SHISA6: variants seen among roughly 807,000 people sequenced by gnomAD.
SHISA6 encodes shisa family member 6.
A neutral mutation model predicts 47.9 loss-of-function variants in SHISA6; 22 were observed. The observed-to-expected ratio is 0.46, with a 90% CI of 0.33 to 0.66. SHISA6 has a LOEUF of 0.66. SHISA6 is among the 30% of genes least tolerant of loss of function. The probability of loss-of-function intolerance (pLI) is 0.02; values close to 1 mark genes in which losing one functional copy is unlikely to be tolerated. For missense variants in SHISA6, 680 were observed against 764.6 expected, an observed-to-expected ratio of 0.89 and a Z score of 1.30; for synonymous variants, 388 against 337.8, an observed-to-expected ratio of 1.15 and a Z score of -1.63.
chr17:11,282,941 A>C (rs1909171966), intron 2 of SHISA6, among the ~76,000 whole-genome samples: 1 of 152,300 alleles, frequency 6.6e-6, no homozygotes, highest in South Asian at 2.1e-4. Context: ...AGAGCTCAAA[A>C]TAGGTTTACA....
At chr17:11,445,410 G>T (rs1251604450) in intron 3 of SHISA6, among the ~76,000 whole-genome samples, 1 of 152,198 alleles carries the variant, frequency 6.6e-6, no homozygotes, top group South Asian at 2.1e-4. Flanking sequence ...CATGCAAACC[G>T]TCACTGTACA....
intron 3 of SHISA6, among the ~76,000 whole-genome samples, chr17:11,467,250 C>G (rs893066290): frequency 7.9e-5 from 12 of 152,062 alleles, no homozygotes; most frequent in Non-Finnish European, 1.6e-4. Flanking sequence ...GCTCTTGGCT[C>G]CAGGGTTATA....
chr17:11,387,711 A>G (rs968484895), intron 3 of SHISA6, among the ~76,000 whole-genome samples: 3 of 152,208 alleles, frequency 2.0e-5, no homozygotes, highest in Admixed American at 6.5e-5. Context: ...TTGGGAAATA[A>G]CAATGGCCAG....
intron 3 of SHISA6, among the ~76,000 whole-genome samples, chr17:11,425,959 T>C (rs1914600111): frequency 6.6e-6 from 1 of 152,194 alleles, no homozygotes; most frequent in Non-Finnish European, 1.5e-5. Context: ...GGGAGAGCTA[T>C]GCACTGATCA....
At chr17:11,426,402 A>G (rs1261875578) in intron 3 of SHISA6, among the ~76,000 whole-genome samples, 3 of 152,220 alleles carry the variant, frequency 2.0e-5, no homozygotes, top group Admixed American at 6.5e-5. Context: ...AGTATGAACC[A>G]TGTGATGTTC....
chr17:11,382,784 A>G (rs566147008), intron 3 of SHISA6, among the ~76,000 whole-genome samples: 53 of 152,212 alleles, frequency 3.5e-4, no homozygotes, highest in Middle Eastern at 3.4e-3. Context: ...AGGTAATACC[A>G]TTGCCCTACT....
At position 11,278,832 on chromosome 17, in the gene SHISA6, C is replaced by T. The variant is rs78209712; in HGVS notation, c.799+15306C>T. ...TAAGCCTGCACTTTAATACACGTGG[C>T]GTTTCTTTCCCCATAAGAATTAGAT... On this transcript the variant is annotated intron_variant, in intron 2 of 5. Transcript: ENST00000441885. Among the ~76,000 whole-genome samples the T allele has an allele frequency of 4.1e-3, 631 of 152,296 alleles. 5 individuals are homozygous for T. Among genetic ancestry groups the T allele is most frequent in the African/African-American group, 0.014 (589 of 41,580 alleles).
chr17:11,389,200 T>G (rs1376719736), intron 3 of SHISA6, among the ~76,000 whole-genome samples: 4 of 152,108 alleles, frequency 2.6e-5, no homozygotes, highest in Non-Finnish European at 5.9e-5. Context: ...TATCCCTGTT[T>G]AATGCTTGTT....
intron 3 of SHISA6, among the ~76,000 whole-genome samples, chr17:11,412,924 T>C (rs1044197904): frequency 6.6e-6 from 1 of 152,136 alleles, no homozygotes; most frequent in African/African-American, 2.4e-5. Flanking sequence ...GTAGGTAGAT[T>C]ATGGCTTAAG....
intron 3 of SHISA6, among the ~76,000 whole-genome samples, chr17:11,396,450 C>A (rs1052353567): frequency 6.6e-6 from 1 of 152,160 alleles, no homozygotes; most frequent in East Asian, 1.9e-4. Context: ...AATAAACGTA[C>A]GTGTGCATGT....
chr17:11,380,221 G>C (rs547495083), intron 3 of SHISA6: 1 of 152,334 alleles, frequency 6.6e-6, no homozygotes, highest in African/African-American at 2.4e-5. Flanking sequence ...CCCAACACCT[G>C]TGTGCTGTTA....
intron 3 of SHISA6, among the ~76,000 whole-genome samples, chr17:11,518,694 C>A (rs887140685): frequency 4.6e-5 from 7 of 152,144 alleles, no homozygotes; most frequent in African/African-American, 9.7e-5. Flanking sequence ...TGCCCAGACC[C>A]CATCCAAGAC....
At chr17:11,550,089 C>T (rs1300763683) in intron 3 of SHISA6, among the ~76,000 whole-genome samples, 1 of 151,618 alleles carries the variant, frequency 6.6e-6, no homozygotes, top group Non-Finnish European at 1.5e-5. Flanking sequence ...AAGTTTTGCT[C>T]TATCCCCCAG....
Position 11,241,510 on chromosome 17 carries a change from G to A in SHISA6, c.88G>A (p.Ala30Thr), listed in dbSNP as rs1425174450. Reference sequence around the variant, plus strand: ...CAGCGTCCACGGAGCCCGCGGCCGCGCCGCCAACCGGACCCTGAGTGCAGG... The same window carrying A: ...CAGCGTCCACGGAGCCCGCGGCCGCACCGCCAACCGGACCCTGAGTGCAGG... Reference protein sequence around the residue: ...LPSVHGARGRAANRTLSAGGA... With the variant: ...LPSVHGARGRTANRTLSAGGA... The change falls in exon 1 of 6, where the codon GCC (alanine) becomes ACC (threonine). Residue 30 changes from alanine to threonine, a missense_variant. By Grantham distance (58) the Ala-to-Thr change is moderately conservative. This residue lies in a region of SHISA6 where 121 missense variants were observed against 90.5 expected (regional missense o/e 1.34). Transcript: ENST00000441885. The surrounding 1 kb of genome is among the most constrained non-coding windows in gnomAD (Gnocchi z 5.5). The A allele has an allele frequency of 3.5e-6, 4 of 1,147,470 alleles. No individual in the cohort carries two copies. Among genetic ancestry groups the A allele is most frequent in the Admixed American group, 4.3e-5 (1 of 23,038 alleles). The allele number at this position is 1,147,470 out of a possible 1,614,324, so 71.1% of individuals were successfully genotyped here. A position where few individuals can be genotyped will look rare whatever the true frequency, so the allele number is the denominator to read the frequency against.
At chr17:11,543,683 G>GGAT (rs1446022168) in intron 3 of SHISA6, among the ~76,000 whole-genome samples, 1 of 151,856 alleles carries the variant, frequency 6.6e-6, no homozygotes, top group Non-Finnish European at 1.5e-5. Context: ...TAAAGTAGGA[G>GGAT]GATAAGTCTA....
intron 1 of SHISA6, among the ~76,000 whole-genome samples, chr17:11,258,867 AAAATCT>A (rs1908118982): frequency 6.6e-6 from 1 of 152,212 alleles, no homozygotes; most frequent in Non-Finnish European, 1.5e-5. Flanking sequence ...AACACTCTCT[AAAATCT>A]TGTGTTCAGG....
At chr17:11,350,178 A>ATTTTTTTTTTTTT (rs199879665) in intron 2 of SHISA6, among the ~76,000 whole-genome samples, 1 of 101,162 alleles carries the variant, frequency 9.9e-6, no homozygotes, top group East Asian at 3.7e-4. Flanking sequence ...TTATTTATTT[A>ATTTTTTTTTTTTT]TTTATTTTTT....
rs534357231 is a variant in SHISA6, at chr17:11,348,255, G to A, written c.800-31159G>A. Among the ~76,000 whole-genome samples the A allele has an allele frequency of 7.2e-5, 11 of 152,132 alleles. 1 individual carries two copies. The South Asian group carries it at 2.3e-3, about 32-fold the overall frequency. On this transcript the variant is annotated intron_variant, in intron 2 of 5. Transcript: ENST00000441885. ...TCTATTTATGGGACCAAAAAGAGTT[G>A]GTAAGTTATTTGTTTATGTAAACAG...
chr17:11,344,571 G>C (rs1911634625), intron 2 of SHISA6, among the ~76,000 whole-genome samples: 1 of 152,058 alleles, frequency 6.6e-6, no homozygotes, highest in Non-Finnish European at 1.5e-5. Context: ...GAAATCAATG[G>C]CCGTAAATGT....
Sources: gnomAD v4.1 joint callset for allele counts (sites outside exome capture counted in the v4.1 genomes callset) on GRCh38, gnomAD v4.1.1 for gene constraint, gnomAD v4.1.1 regional missense constraint, Gnocchi (gnomAD v3.1) non-coding constraint, MANE v1.5 for transcripts, NCBI Gene and HGNC (gene_info 2026-07-23, HGNC 2026-07-21) for gene names.